The following SLC30A8 variants were observed in gnomAD, a reference collection of about 807,000 sequenced individuals.
The protein encoded by SLC30A8 is solute carrier family 30 member 8.
SLC30A8 carries 27 observed loss-of-function variants against 36.9 expected under a neutral mutation model. That is an observed-to-expected ratio of 0.73 (90% CI 0.54 to 1.01). SLC30A8 has a LOEUF of 1.01. Among genes scored for constraint, SLC30A8 ranks in the 50% least tolerant of loss-of-function variants. SLC30A8 has a pLI of 0.00. For synonymous variants in SLC30A8, 164 were observed against 172.4 expected, an observed-to-expected ratio of 0.95 and a Z score of 0.38; for missense variants, 439 against 452.0, an observed-to-expected ratio of 0.97 and a Z score of 0.26.
chr8:117,158,968 G>A (rs1822640899), intron 4 of SLC30A8, among the ~76,000 whole-genome samples: 1 of 152,202 alleles, frequency 6.6e-6, no homozygotes, highest in Admixed American at 6.5e-5. Context: ...ATCCAGGTGG[G>A]TCCACATAAT....
At chr8:116,970,990 G>A (rs1814777116) in intron 1 of SLC30A8, among the ~76,000 whole-genome samples, 1 of 152,134 alleles carries the variant, frequency 6.6e-6, no homozygotes, top group South Asian at 2.1e-4. Flanking sequence ...AGCTACTTGG[G>A]AGGCTAAGGC....
chr8:116,960,949 C>A lies in SLC30A8; in HGVS notation c.-266+9830C>A, dbSNP rs548078610. 3.3e-5 allele frequency among the ~76,000 whole-genome samples: 5 copies of A among 151,372 alleles called. No homozygotes were observed. In the East Asian group the frequency reaches 9.7e-4, roughly 29 times the overall value. On this transcript the variant is annotated intron_variant, in intron 1 of 10. Transcript: ENST00000427715. ...CTCTTTATGACTCTCCTATTTTAAG[C>A]AATGAGTATCCTTAAGATCTCTGTA...
chr8:117,136,338 G>A (rs1052714995), intron 1 of SLC30A8, among the ~76,000 whole-genome samples: 2 of 151,830 alleles, frequency 1.3e-5, no homozygotes, highest in African/African-American at 4.8e-5. Flanking sequence ...TCTGAATGGG[G>A]TTCAAAAAAG....
chr8:116,991,638 T>A lies in SLC30A8; in HGVS notation c.-266+40519T>A, dbSNP rs1215990765. On this transcript the variant is annotated intron_variant, in intron 1 of 10. Coordinates refer to the SLC30A8 transcript ENST00000427715. Reference sequence around the variant, plus strand: ...TCCATTTTCTTACAAAACTTAGATATCTTTTTTATAATTTGTGGCATCAGT... The same window carrying A: ...TCCATTTTCTTACAAAACTTAGATAACTTTTTTATAATTTGTGGCATCAGT... Among the ~76,000 whole-genome samples, 3 of 152,306 alleles carry A rather than the reference T, an allele frequency of 2.0e-5. No homozygotes were observed. In the East Asian group the frequency reaches 5.8e-4, roughly 29 times the overall value.
intron 1 of SLC30A8, among the ~76,000 whole-genome samples, chr8:116,990,156 G>GT (rs1423622715): frequency 1.3e-5 from 2 of 152,140 alleles, no homozygotes; most frequent in African/African-American, 4.8e-5. Context: ...CTGGTTTAAT[G>GT]TTGTTATTGT....
chr8:117,149,140 G>A (rs773357413), intron 2 of SLC30A8, among the ~76,000 whole-genome samples: 1 of 152,086 alleles, frequency 6.6e-6, no homozygotes, highest in Non-Finnish European at 1.5e-5. Flanking sequence ...CTTCTTGAAG[G>A]GTTAAGTGTT....
chr8:117,028,499 C>A (rs1816938957), intron 1 of SLC30A8, among the ~76,000 whole-genome samples: 1 of 151,646 alleles, frequency 6.6e-6, no homozygotes, highest in Non-Finnish European at 1.5e-5. Context: ...GAAACATGAG[C>A]TAGCCTTAAT....
intron 2 of SLC30A8, among the ~76,000 whole-genome samples, chr8:117,079,600 G>T (rs1018070441): frequency 6.6e-6 from 1 of 152,136 alleles, no homozygotes; most frequent in Non-Finnish European, 1.5e-5. Flanking sequence ...AATAGCATGG[G>T]CATTTGACCC....
chr8:117,055,021 C>T (rs771947015), intron 2 of SLC30A8, among the ~76,000 whole-genome samples: 12 of 152,148 alleles, frequency 7.9e-5, no homozygotes, highest in Non-Finnish European at 1.3e-4. Context: ...AGGCTTCACT[C>T]GCTATTTAAC....
At chr8:116,994,849 C>T (rs1244908253) in intron 1 of SLC30A8, among the ~76,000 whole-genome samples, 1 of 152,004 alleles carries the variant, frequency 6.6e-6, no homozygotes, top group East Asian at 1.9e-4. Context: ...GGAGAAATGA[C>T]TTGTGTGTAT....
intron 1 of SLC30A8, among the ~76,000 whole-genome samples, chr8:116,993,476 C>T (rs1375776028): frequency 1.3e-5 from 2 of 151,998 alleles, no homozygotes; most frequent in African/African-American, 4.8e-5. Context: ...AAATTACTGA[C>T]ATGCAAAGAT....
intron 1 of SLC30A8, among the ~76,000 whole-genome samples, chr8:117,037,773 A>C (rs1817261153): frequency 6.6e-6 from 1 of 152,196 alleles, no homozygotes; most frequent in Non-Finnish European, 1.5e-5. Flanking sequence ...AGATTCTGGA[A>C]ACTGACCACC....
chr8:117,061,036 A>G (rs768853945), intron 2 of SLC30A8, among the ~76,000 whole-genome samples: 29 of 152,082 alleles, frequency 1.9e-4, no homozygotes, highest in Non-Finnish European at 3.7e-4. Context: ...TACTTACCAT[A>G]GTTTTATTCA....
intron 2 of SLC30A8, among the ~76,000 whole-genome samples, chr8:117,061,526 T>C (rs1326544712): frequency 6.6e-6 from 1 of 152,232 alleles, no homozygotes; most frequent in Non-Finnish European, 1.5e-5. Flanking sequence ...GTTCATAAAA[T>C]GTATCCTAGG....
At chr8:116,999,815 A>C (rs1022052725) in intron 1 of SLC30A8, among the ~76,000 whole-genome samples, 5 of 152,178 alleles carry the variant, frequency 3.3e-5, no homozygotes, top group South Asian at 4.1e-4. Context: ...TTTATAAGGA[A>C]AAGAAATTAT....
At chr8:117,075,380 T>C (rs1818457749) in intron 2 of SLC30A8, among the ~76,000 whole-genome samples, 1 of 151,892 alleles carries the variant, frequency 6.6e-6, no homozygotes, top group African/African-American at 2.4e-5. Context: ...CTTGACTGAT[T>C]CTTTCTTTAT....
At chr8:117,159,854 G>A (rs888669238) in intron 4 of SLC30A8, among the ~76,000 whole-genome samples, 1 of 152,104 alleles carries the variant, frequency 6.6e-6, no homozygotes, top group Non-Finnish European at 1.5e-5. Context: ...CATCAATCTG[G>A]GGCCTCAATG....
intron 2 of SLC30A8, among the ~76,000 whole-genome samples, chr8:117,148,431 T>A (rs1286043000): frequency 1.3e-5 from 2 of 152,162 alleles, no homozygotes; most frequent in African/African-American, 4.8e-5. Flanking sequence ...TCTGTGTTTC[T>A]GGTCTCTGTC....
intron 5 of SLC30A8, among the ~76,000 whole-genome samples, chr8:117,162,591 G>C (rs1236008156): frequency 6.6e-6 from 1 of 152,136 alleles, no homozygotes; most frequent in African/African-American, 2.4e-5. Flanking sequence ...ATTTAGCTCT[G>C]TCTGTTTGCA....
Sources: allele counts gnomAD v4.1 joint callset (sites outside exome capture counted in the v4.1 genomes callset), GRCh38; gene constraint gnomAD v4.1.1; transcripts MANE v1.5; gene names NCBI Gene and HGNC (gene_info 2026-07-23, HGNC 2026-07-21).